Variants in RNLS observed in about 807,000 individuals in gnomAD.
RNLS encodes the protein renalase, FAD dependent amine oxidase.
RNLS carries 39 observed loss-of-function variants against 39.8 expected under a neutral mutation model. The ratio of observed to expected loss-of-function variants is 0.98; its 90% CI spans 0.76 to 1.28. The LOEUF (loss-of-function observed/expected upper bound fraction) is 1.28. Ranked by LOEUF, RNLS falls within the 50% of genes most tolerant of loss-of-function variation. The pLI is 0.00. For synonymous variants in RNLS, 147 were observed against 150.7 expected (o/e 0.98, Z 0.18); for missense variants, 410 against 413.3 (o/e 0.99, Z 0.07).
At chr10:88,406,047 G>A (rs1238597393) in intron 4 of RNLS, among the ~76,000 whole-genome samples, 1 of 152,030 alleles carries the variant, frequency 6.6e-6, no homozygotes, top group Non-Finnish European at 1.5e-5. Context: ...GCTGAAGATA[G>A]GGCCCCAATC....
chr10:88,267,608 T>A, the RNLS span, among the ~76,000 whole-genome samples: 1 of 152,152 alleles, frequency 6.6e-6, no homozygotes, highest in Non-Finnish European at 1.5e-5. Context: ...CTACCCCCTG[T>A]CAAGGAGTGG....
In RNLS at chr10:88,482,892, T is replaced by C. The variant is rs551518513; in HGVS notation, c.526+90011A>G. Among the ~76,000 whole-genome samples the C allele has an allele frequency of 3.3e-5, 5 of 152,206 alleles. No individual in the cohort carries two copies. In the South Asian group the frequency reaches 1.0e-3, roughly 32 times the overall value. On this transcript the variant is annotated intron_variant, in intron 4 of 6. Coordinates refer to ENST00000331772, the MANE Select transcript of RNLS (RefSeq NM_001031709.3). ...CTGTCTCCCTGTGGGGTGTAGCCGC[T>C]GATATCCCTGCTCAGTTTTCCTTCC...
At chr10:88,362,085 T>C (rs906201352) in intron 5 of RNLS, among the ~76,000 whole-genome samples, 3 of 152,154 alleles carry the variant, frequency 2.0e-5, no homozygotes, top group African/African-American at 7.2e-5. Context: ...AAAATGTAAA[T>C]AAACAATAAA....
chr10:88,313,805 G>A (rs1331505429), intron 6 of RNLS, among the ~76,000 whole-genome samples: 1 of 152,056 alleles, frequency 6.6e-6, no homozygotes, highest in Admixed American at 6.6e-5. Context: ...CTGAGTTTAC[G>A]GATCAAAAGA....
intron 5 of RNLS, among the ~76,000 whole-genome samples, chr10:88,323,549 A>T (rs758590959): frequency 2.0e-4 from 31 of 152,192 alleles, no homozygotes; most frequent in Non-Finnish European, 2.9e-4. Flanking sequence ...CTGGCTAGGG[A>T]TACGCAGTAG....
At chr10:88,577,323 A>G (rs1485079038) in intron 3 of RNLS, among the ~76,000 whole-genome samples, 1 of 152,188 alleles carries the variant, frequency 6.6e-6, no homozygotes, top group Non-Finnish European at 1.5e-5. Context: ...TACAAAATAG[A>G]TGTTAAATTG....
At chr10:88,453,152 T>C (rs79554483) in intron 4 of RNLS, among the ~76,000 whole-genome samples, 5 of 152,294 alleles carry the variant, frequency 3.3e-5, no homozygotes, top group African/African-American at 9.6e-5. Context: ...CAAGCGGGTA[T>C]GAATGGTTGC....
intron 4 of RNLS, among the ~76,000 whole-genome samples, chr10:88,433,876 T>G (rs1321135135): frequency 6.6e-6 from 1 of 152,172 alleles, no homozygotes; most frequent in Non-Finnish European, 1.5e-5. Flanking sequence ...ATGCTTATAA[T>G]TATTTCATCC....
At chr10:88,544,237 CAGAG>C (rs1231070277) in intron 4 of RNLS, among the ~76,000 whole-genome samples, 4 of 152,146 alleles carry the variant, frequency 2.6e-5, no homozygotes, top group Non-Finnish European at 4.4e-5. Flanking sequence ...CCTTTTCATT[CAGAG>C]AGAGAGAATT....
At chr10:88,488,268 T>A (rs977735112) in intron 4 of RNLS, among the ~76,000 whole-genome samples, 6 of 151,998 alleles carry the variant, frequency 3.9e-5, no homozygotes, top group African/African-American at 1.4e-4. Context: ...GATCAGAGGC[T>A]GGGCATGGTG....
intron 5 of RNLS, among the ~76,000 whole-genome samples, chr10:88,332,628 T>G (rs1324612628): frequency 6.6e-6 from 1 of 152,196 alleles, no homozygotes; most frequent in African/African-American, 2.4e-5. Flanking sequence ...TGGAAAAGAT[T>G]CAGAAAGATA....
At chr10:88,531,567 G>A (rs1270370755) in intron 4 of RNLS, among the ~76,000 whole-genome samples, 1 of 151,966 alleles carries the variant, frequency 6.6e-6, no homozygotes, top group African/African-American at 2.4e-5. Context: ...AAACCACTCT[G>A]TAGATCTCAG....
At chr10:88,439,138 A>C (rs1231846905) in intron 4 of RNLS, among the ~76,000 whole-genome samples, 1 of 152,136 alleles carries the variant, frequency 6.6e-6, no homozygotes, top group Non-Finnish European at 1.5e-5. Context: ...AACCCATTTT[A>C]ACCTTAAAAG....
intron 4 of RNLS, among the ~76,000 whole-genome samples, chr10:88,486,097 T>C (rs950971563): frequency 6.6e-6 from 1 of 151,784 alleles, no homozygotes; most frequent in Non-Finnish European, 1.5e-5. Flanking sequence ...GAATCTAGAC[T>C]ATGTCAAAAA....
chr10:88,461,656 C>T (rs1020067242), intron 4 of RNLS, among the ~76,000 whole-genome samples: 30 of 152,074 alleles, frequency 2.0e-4, no homozygotes, highest in Non-Finnish European at 5.9e-5. Context: ...GTGTCTCATA[C>T]ATTTTTGGAC....
At chr10:88,424,497 G>A (rs1266174678) in intron 4 of RNLS, among the ~76,000 whole-genome samples, 2 of 152,162 alleles carry the variant, frequency 1.3e-5, no homozygotes, top group Non-Finnish European at 2.9e-5. Context: ...AAAGCAGCAT[G>A]CAAACTGAGC....
intron 5 of RNLS, among the ~76,000 whole-genome samples, chr10:88,357,921 A>T (rs1454454926): frequency 6.6e-6 from 1 of 152,222 alleles, no homozygotes; most frequent in Admixed American, 6.5e-5. Flanking sequence ...GCTACCTATC[A>T]ATCACAAACA....
At chr10:88,314,169 G>A (rs942324667) in intron 6 of RNLS, among the ~76,000 whole-genome samples, 2 of 152,140 alleles carry the variant, frequency 1.3e-5, no homozygotes, top group African/African-American at 4.8e-5. Context: ...AGCTGCATTT[G>A]GAGATATAAC....
the RNLS span, among the ~76,000 whole-genome samples, chr10:88,203,268 G>GTATA: frequency 5.2e-3 from 88 of 16,794 alleles, 18 homozygotes; most frequent in Non-Finnish European, 7.3e-3. Context: ...GTGTGTGTAT[G>GTATA]TATATATATA....
Sources: gnomAD v4.1 joint callset for allele counts (sites outside exome capture counted in the v4.1 genomes callset) on GRCh38, gnomAD v4.1.1 for gene constraint, MANE v1.5 for transcripts, NCBI Gene and HGNC (gene_info 2026-07-23, HGNC 2026-07-21) for gene names.